BMP1: variants seen among roughly 807,000 people sequenced by gnomAD.
BMP1 encodes the protein bone morphogenetic protein 1, also known as mammalian tolloid protein.
In BMP1, 63 loss-of-function variants were observed where a neutral mutation model predicts 116.8. The ratio of observed to expected loss-of-function variants is 0.54; its 90% CI spans 0.44 to 0.67. The LOEUF (loss-of-function observed/expected upper bound fraction) is 0.67. Among genes scored for constraint, BMP1 ranks in the 30% least tolerant of loss-of-function variants. The pLI is 0.00. For synonymous variants in BMP1, 536 were observed against 533.4 expected, an observed-to-expected ratio of 1.00 and a Z score of -0.07; for missense variants, 1,183 against 1,358.9, an observed-to-expected ratio of 0.87 and a Z score of 2.04.
intron 2 of BMP1, among the ~76,000 whole-genome samples, chr8:22,174,586 C>T (rs1828376141): frequency 6.6e-6 from 1 of 151,448 alleles, no homozygotes; most frequent in Non-Finnish European, 1.5e-5. Flanking sequence ...CCTCCCCTTC[C>T]CAAAGGGCAG....
intron 16 of BMP1, among the ~76,000 whole-genome samples, chr8:22,206,096 G>A (rs189135258): frequency 1.3e-5 from 2 of 152,296 alleles, no homozygotes; most frequent in East Asian, 3.9e-4. Context: ...GCCGGGTGCA[G>A]TGGCTCACGC....
intron 8 of BMP1, among the ~76,000 whole-genome samples, 196 bp from the exon 9 acceptor site, chr8:22,191,853 T>G (rs979110043): frequency 6.6e-6 from 1 of 152,140 alleles, no homozygotes; most frequent in Admixed American, 6.5e-5. Flanking sequence ...CTGGGCCTTC[T>G]AGGAAGAAAG....
chr8:22,199,107 C>T (rs148038163), intron 15 of BMP1: 46 of 1,367,416 alleles, frequency 3.4e-5, no homozygotes, highest in Middle Eastern at 2.1e-4. Context: ...ACACTGTGCC[C>T]GCCCCACCCT....
Position 22,173,589 on chromosome 8 carries a change from C to T in BMP1, c.149-13C>T. The T allele has an allele frequency of 6.2e-7, 1 of 1,602,890 alleles. No individual in the cohort carries two copies. On this transcript the variant is annotated splice_polypyrimidine_tract_variant and intron_variant, in intron 1 of 19. Transcript: ENST00000306385. ...AGGATTAACTCAGCCCTGGCTTCTT[C>T]TTTTCTCTTTAGCTGCCTTTCTTGG...
intron 8 of BMP1, among the ~76,000 whole-genome samples, chr8:22,182,447 G>T (rs554048844): frequency 5.1e-4 from 77 of 152,296 alleles, no homozygotes; most frequent in African/African-American, 1.8e-3. Flanking sequence ...CCAGCCACAG[G>T]TGACCACCAG....
At chr8:22,210,078 G>A (rs897762217) in intron 19 of BMP1, among the ~76,000 whole-genome samples, 1 of 152,388 alleles carries the variant, frequency 6.6e-6, no homozygotes, top group East Asian at 1.9e-4. Context: ...CCAGAGCCGG[G>A]GACAGGGCGC....
rs990301087 is a variant in BMP1, at chr8:22,194,363, G to C, written c.1298-82G>C. 203 of 1,564,018 alleles carry C rather than the reference G, an allele frequency of 1.3e-4. No homozygotes were observed. The highest frequency in any genetic ancestry group is 1.7e-4 in the South Asian group (14 of 84,732). On this transcript the variant is annotated intron_variant, in intron 10 of 19. Transcript: ENST00000306385. This position sits in a 1 kb window ranked among gnomAD's most constrained non-coding sequence, Gnocchi z 4.5. ...AAGCTGGGGGACATGGGAGGGACTG[G>C]AGGAGTGGGGAAAAGAGCTCCCTAG...
intron 8 of BMP1, among the ~76,000 whole-genome samples, chr8:22,189,433 T>TACACACAC (rs10672713): frequency 0.013 from 1,819 of 141,358 alleles, 30 homozygotes; most frequent in East Asian, 0.051. Flanking sequence ...TTGATGGAGA[T>TACACACAC]ACACACACAC....
At chr8:22,201,456 C>A (rs1003828577) in intron 15 of BMP1, 5 of 1,403,574 alleles carry the variant, frequency 3.6e-6, no homozygotes, top group Non-Finnish European at 4.6e-6. Flanking sequence ...AAAGAGGGAC[C>A]CCTGCGTCCT....
chr8:22,205,268 C>T (rs901594917), intron 16 of BMP1, among the ~76,000 whole-genome samples: 2 of 152,076 alleles, frequency 1.3e-5, no homozygotes, highest in Admixed American at 6.6e-5. Flanking sequence ...CTGGTAAAGG[C>T]CAATCCAAAG....
At chr8:22,193,959 C>A in intron 9 of BMP1, 99 bp from the exon 10 acceptor site, 2 of 934,952 alleles carry the variant, frequency 2.1e-6, no homozygotes, top group Non-Finnish European at 3.4e-6. Flanking sequence ...AGGGTGGCCA[C>A]AGATCAGGGC....
rs745571172 is a variant in BMP1, at chr8:22,180,433, T to C, written c.1027T>C (p.Ser343Pro). The change falls in exon 8 of 20, where the codon TCT becomes CCT. Residue 343 changes from serine (S) to proline (P), a missense_variant. This residue lies in a region of BMP1 where 956 missense variants were observed against 1,135.2 expected (regional missense o/e 0.84). Coordinates refer to ENST00000306385, the MANE Select transcript of BMP1 (RefSeq NM_006129.5). ...FSSPEYPNGYSAHMHCVWRIS... is the reference protein window; with the variant it reads ...FSSPEYPNGYPAHMHCVWRIS... The stretch of plus-strand genomic sequence containing the variant: ...CTCCCCTGAATACCCCAATGGCTAC[T>C]CTGCTCACATGCACTGCGTGTGGCG... 1 of 1,614,098 alleles carries C rather than the reference T, an allele frequency of 6.2e-7. No homozygotes were observed. The highest frequency in any genetic ancestry group is 1.1e-5 in the South Asian group (1 of 91,090).
chr8:22,201,016 A>T, intron 15 of BMP1: 1 of 148,604 alleles, frequency 6.7e-6, no homozygotes, highest in South Asian at 6.8e-5. Flanking sequence ...CCTCAGATCC[A>T]CCTCAGAGGC....
chr8:22,174,568 C>T (rs925988829), intron 2 of BMP1, among the ~76,000 whole-genome samples: 1 of 149,654 alleles, frequency 6.7e-6, no homozygotes, highest in Non-Finnish European at 1.5e-5. Flanking sequence ...TGAGAGCACA[C>T]AAATAGCCCT....
intron 2 of BMP1, 31 bp from the exon 3 acceptor site, chr8:22,176,112 A>C: frequency 6.2e-7 from 1 of 1,609,356 alleles, no homozygotes; most frequent in South Asian, 1.1e-5. Context: ...CTTTCTCTCC[A>C]CTCACTAGTC....
In BMP1 at chr8:22,165,421, C is replaced by T; in HGVS notation, c.16C>T (p.Arg6Cys). Residue 6 changes from arginine to cysteine, a missense_variant, in exon 1 of 20, where the codon CGC becomes TGC. By Grantham distance (180) the Arg-to-Cys change is radical. Around this residue, in one of 4 missense-constraint regions of BMP1, gnomAD observed 185 missense variants for 158.9 expected, o/e 1.16. Coordinates refer to ENST00000306385, the MANE Select transcript of BMP1 (RefSeq NM_006129.5). MPGVA[R>C]LPLLLGLLLL... ...CCCCGCCAGCATGCCCGGCGTGGCC[C>T]GCCTGCCGCTGCTGCTCGGGCTGCT... 2.6e-6 allele frequency: 4 copies of T among 1,538,920 alleles called. No individual in the cohort carries two copies. Among genetic ancestry groups the T allele is most frequent in the Admixed American group, 2.1e-5 (1 of 46,894 alleles).
chr8:22,181,419 C>T (rs767009201), intron 8 of BMP1, among the ~76,000 whole-genome samples: 1 of 152,190 alleles, frequency 6.6e-6, no homozygotes, highest in Non-Finnish European at 1.5e-5. Flanking sequence ...GGGTGGACAC[C>T]GAGTGTGGGG....
At chr8:22,176,675 T>C (rs2131849143) in intron 4 of BMP1, 25 bp downstream of exon 4, 3 of 1,610,362 alleles carry the variant, frequency 1.9e-6, no homozygotes, top group Non-Finnish European at 2.5e-6. Context: ...CTAGGCGCTG[T>C]ACCTTCCGCC....
At chr8:22,209,262 C>T (rs530052836) in intron 18 of BMP1, among the ~76,000 whole-genome samples, 183 bp from the exon 19 acceptor site, 15 of 152,324 alleles carry the variant, frequency 9.8e-5, no homozygotes, top group African/African-American at 2.9e-4. Context: ...GGGCCAAGGT[C>T]CCTCTATTTA....
Sources: gnomAD v4.1 joint callset for allele counts (sites outside exome capture counted in the v4.1 genomes callset) on GRCh38, gnomAD v4.1.1 for gene constraint, gnomAD v4.1.1 regional missense constraint, Gnocchi (gnomAD v3.1) non-coding constraint, MANE v1.5 for transcripts, NCBI Gene and HGNC (gene_info 2026-07-23, HGNC 2026-07-21) for gene names.